The following CAPRIN1 variants were observed in gnomAD, a reference collection of about 807,000 sequenced individuals.
The protein encoded by CAPRIN1 is caprin-1.
In CAPRIN1, 29 loss-of-function variants were observed where a neutral mutation model predicts 100.9. The ratio of observed to expected loss-of-function variants is 0.29; its 90% CI spans 0.21 to 0.39. The LOEUF (loss-of-function observed/expected upper bound fraction) is 0.39. CAPRIN1 is among the 10% of genes least tolerant of loss of function. The pLI, the probability that CAPRIN1 is intolerant of heterozygous loss-of-function variation, is 1.00. For missense variants in CAPRIN1, 795 were observed against 876.7 expected (o/e 0.91, Z 1.18); for synonymous variants, 338 against 307.5 (o/e 1.10, Z -1.04).
At position 34,052,477 on chromosome 11, in the gene CAPRIN1, G is replaced by A. The variant is rs1365415146; in HGVS notation, c.57G>A (p.Pro19=). 3 of 1,607,626 alleles carry A rather than the reference G, an allele frequency of 1.9e-6. No homozygotes were observed. The highest frequency in any genetic ancestry group is 8.5e-7 in the Non-Finnish European group (1 of 1,178,632). Residue 19 remains proline (P), a synonymous_variant, in exon 2 of 19, where the codon CCG becomes CCA. Transcript: ENST00000341394. ...GCAGCAAGTCGTCCGGACCGCCACC[G>A]CCGTCGGGTTCCTCCGGGAGTGAGG... ...GSGSKSSGPP[P]PSGSSGSEAA...
chr11:34,063,614 C>T (rs757020365), intron 2 of CAPRIN1, among the ~76,000 whole-genome samples: 7 of 152,196 alleles, frequency 4.6e-5, no homozygotes, highest in Non-Finnish European at 1.0e-4. Flanking sequence ...ATGATTCCCC[C>T]TTAAAGACTC....
At chr11:34,097,940 T>G in intron 18 of CAPRIN1, 179 bp downstream of exon 18, 2 of 1,363,954 alleles carry the variant, frequency 1.5e-6, no homozygotes, top group Non-Finnish European at 1.9e-6. Context: ...AATTTTTGAA[T>G]GATTTAATTT....
intron 17 of CAPRIN1, 39 bp downstream of exon 17, chr11:34,097,335 T>G: frequency 1.4e-6 from 2 of 1,427,116 alleles, no homozygotes; most frequent in Non-Finnish European, 2.0e-6. Context: ...CTGAACTAAA[T>G]ATACCAATGA....
rs1851244089 is a variant in CAPRIN1 at position 34,090,596 on chromosome 11, A to T, written c.1472A>T (p.Gln491Leu). 1 of 1,614,040 alleles carries T rather than the reference A, an allele frequency of 6.2e-7. No homozygotes were observed. Among genetic ancestry groups the T allele is most frequent in the African/African-American group, 1.3e-5 (1 of 74,926 alleles). Residue 491 changes from glutamine to leucine, a missense_variant, in exon 14 of 19, where the codon CAA becomes CTA. Gln to Leu is a moderately radical substitution (Grantham distance 113, BLOSUM62 -2). This residue lies in a region of CAPRIN1 where 648 missense variants were observed against 697.9 expected (regional missense o/e 0.93). Coordinates refer to ENST00000341394, the MANE Select transcript of CAPRIN1 (RefSeq NM_005898.5). ...TCCCTTCCTGCTGCGTCTCAGCCTC[A>T]AGTATTTCAGGCTGGGACAAGCAAA... is the stretch of plus-strand genomic sequence containing the variant. ...SSSLPAASQP[Q>L]VFQAGTSKPL...
chr11:34,070,077 GTGT>G (rs1850779677), intron 2 of CAPRIN1, among the ~76,000 whole-genome samples: 2 of 150,390 alleles, frequency 1.3e-5, no homozygotes, highest in South Asian at 4.3e-4. Context: ...TTGGGATTAA[GTGT>G]TGTCCTGTTA....
intron 2 of CAPRIN1, among the ~76,000 whole-genome samples, chr11:34,056,923 C>CT (rs527685392): frequency 1.2e-3 from 176 of 152,238 alleles, no homozygotes; most frequent in African/African-American, 4.0e-3. Context: ...GTTTTTAATA[C>CT]TTTTTCCTGA....
At chr11:34,087,127 T>C (rs558808228) in intron 11 of CAPRIN1, among the ~76,000 whole-genome samples, 1 of 152,310 alleles carries the variant, frequency 6.6e-6, no homozygotes, top group South Asian at 2.1e-4. Flanking sequence ...GGACTATTAG[T>C]GATTGTGAGT....
In CAPRIN1 at chr11:34,099,520, T is replaced by A. The variant is rs771230403; in HGVS notation, c.*153T>A. 25 of 660,010 alleles carry A rather than the reference T, an allele frequency of 3.8e-5. No individual in the cohort carries two copies. Among genetic ancestry groups the A allele is most frequent in the Non-Finnish European group, 5.9e-5 (22 of 373,172 alleles). 40.9% of individuals were successfully genotyped at this position (660,010 alleles called of 1,614,324 possible). ...TCCCATAAAGACAGGACTACAATTGTCAGCTTTCTATTACCTGGATATGGA... is the reference window on the plus strand; with the variant it reads ...TCCCATAAAGACAGGACTACAATTGACAGCTTTCTATTACCTGGATATGGA... On this transcript the variant is annotated 3_prime_UTR_variant, in exon 19 of 19. Coordinates refer to ENST00000341394, the MANE Select transcript of CAPRIN1 (RefSeq NM_005898.5).
Position 34,096,608 on chromosome 11 carries a change from G to A in CAPRIN1, c.1835G>A (p.Arg612His), listed in dbSNP as rs1164896233. The A allele has an allele frequency of 4.3e-6, 7 of 1,613,546 alleles. No individual in the cohort carries two copies. The highest frequency in any genetic ancestry group is 1.3e-5 in the African/African-American group (1 of 74,900). ...QPYYNSRGVS[R>H]GGSRGARGLM... is the part of the protein sequence containing the mutation. ...TATTACAATAGTCGTGGTGTGTCTC[G>A]TGGAGGCTCCCGTGGTGCTAGAGGC... Residue 612 changes from arginine to histidine, a missense_variant, in exon 16 of 19, where the codon CGT becomes CAT. Physicochemically the swap from Arg to His is conservative, Grantham distance 29 (BLOSUM62 0). Transcript: ENST00000341394.
intron 12 of CAPRIN1, 67 bp from the exon 13 acceptor site, chr11:34,090,112 T>A: frequency 1.1e-6 from 1 of 898,140 alleles, no homozygotes; most frequent in Non-Finnish European, 1.8e-6. Context: ...GTCTTAGAGG[T>A]AACTTGTTTT....
At chr11:34,088,579 T>G (rs1446956437) in intron 11 of CAPRIN1, among the ~76,000 whole-genome samples, 1 of 151,792 alleles carries the variant, frequency 6.6e-6, no homozygotes, top group East Asian at 1.9e-4. Context: ...GAAGCCAAGG[T>G]GGGAGGATTT....
At chr11:34,062,066 A>G (rs1189516116) in intron 2 of CAPRIN1, among the ~76,000 whole-genome samples, 2 of 152,100 alleles carry the variant, frequency 1.3e-5, no homozygotes, top group African/African-American at 2.4e-5. Flanking sequence ...CATGCTTTCA[A>G]CATTTGAAGA....
In CAPRIN1 at chr11:34,082,884, T is replaced by C. The variant is rs1354468308; in HGVS notation, c.879+7T>C. 6.2e-7 allele frequency: 1 copy of C among 1,613,908 alleles called. No individual in the cohort carries two copies. On this transcript the variant is annotated splice_region_variant and intron_variant, in intron 8 of 18. Transcript: ENST00000341394. ...TGAAGTTGAATCAACAGAGGTATGA[T>C]TTTAATTTAATGCTGCCTTTACTTT...
Position 34,071,998 on chromosome 11 carries a change from G to A in CAPRIN1, c.366+11G>A, listed in dbSNP as rs760696897. 3.9e-6 allele frequency: 6 copies of A among 1,546,008 alleles called. No homozygotes were observed. The highest frequency in any genetic ancestry group is 5.3e-6 in the Non-Finnish European group (6 of 1,122,058). ...GCACTAAGTCAAGATGTAAGTAAAA[G>A]AAAGTATACATATTTATGAAATACT... On this transcript the variant is annotated intron_variant, in intron 4 of 18. Transcript: ENST00000341394.
In CAPRIN1 at chr11:34,071,928, A is replaced by G; in HGVS notation, c.307A>G (p.Thr103Ala). 1 of 1,613,664 alleles carries G rather than the reference A, an allele frequency of 6.2e-7. No individual in the cohort carries two copies. The highest frequency in any genetic ancestry group is 1.1e-5 in the South Asian group (1 of 90,966). ...TGCCGTTTCTAAGTACCAGGAAGTC[A>G]CAAATAATTTGGAGTTTGCAAAAGA... is the stretch of plus-strand genomic sequence containing the variant. ...LDAVSKYQEV[T>A]NNLEFAKELQ... The change falls in exon 4 of 19, where the codon ACA (threonine) becomes GCA (alanine). Residue 103 changes from threonine to alanine, a missense_variant. Coordinates refer to ENST00000341394, the MANE Select transcript of CAPRIN1 (RefSeq NM_005898.5).
chr11:34,054,402 T>TTAG (rs1850404812), intron 2 of CAPRIN1, among the ~76,000 whole-genome samples: 1 of 152,182 alleles, frequency 6.6e-6, no homozygotes, highest in African/African-American at 2.4e-5. Flanking sequence ...GACACATGAT[T>TTAG]TAGTTTACCC....
intron 2 of CAPRIN1, among the ~76,000 whole-genome samples, chr11:34,065,160 C>T (rs182481025): frequency 0.017 from 2,580 of 151,972 alleles, 53 homozygotes; most frequent in African/African-American, 0.059. Context: ...GACAGGGTTT[C>T]ACCTTGTTAG....
At chr11:34,096,330 C>T (rs1471123002) in intron 15 of CAPRIN1, 149 bp from the exon 16 acceptor site, 8 of 576,670 alleles carry the variant, frequency 1.4e-5, no homozygotes, top group Non-Finnish European at 2.4e-5. Flanking sequence ...AGACTTTATT[C>T]ATGTGTAGTT....
chr11:34,061,934 C>T (rs1457049389), intron 2 of CAPRIN1, among the ~76,000 whole-genome samples: 2 of 148,564 alleles, frequency 1.3e-5, no homozygotes, highest in Non-Finnish European at 3.0e-5. Context: ...CGCACCACTA[C>T]ACTCCAGCAT....
Sources: allele counts gnomAD v4.1 joint callset (sites outside exome capture counted in the v4.1 genomes callset), GRCh38; gene constraint gnomAD v4.1.1; regional missense constraint gnomAD v4.1.1; transcripts MANE v1.5; gene names NCBI Gene and HGNC (gene_info 2026-07-23, HGNC 2026-07-21).